The following VPS13D variants were observed in gnomAD, a reference collection of about 807,000 sequenced individuals.
The protein encoded by VPS13D is intermembrane lipid transfer protein VPS13D.
In VPS13D, 187 loss-of-function variants were observed where a neutral mutation model predicts 461.9. The observed-to-expected ratio is 0.40, with a 90% CI of 0.36 to 0.46. VPS13D has a LOEUF of 0.46. VPS13D is among the 20% of genes least tolerant of loss of function. VPS13D has a pLI of 0.60. For missense variants in VPS13D, 4,711 were observed against 5,364.9 expected (o/e 0.88, Z 3.81); for synonymous variants, 1,951 against 1,986.3 (o/e 0.98, Z 0.47).
At chr1:12,352,785 A>G (rs1457728127) in intron 46 of VPS13D, among the ~76,000 whole-genome samples, 1 of 151,746 alleles carries the variant, frequency 6.6e-6, no homozygotes, top group Non-Finnish European at 1.5e-5. Flanking sequence ...CCAACATGGT[A>G]AAACCCCGTC....
intron 13 of VPS13D, among the ~76,000 whole-genome samples, chr1:12,265,810 G>A (rs369242801): frequency 6.6e-6 from 1 of 152,188 alleles, no homozygotes; most frequent in Non-Finnish European, 1.5e-5. Flanking sequence ...AGCAAAGAAG[G>A]TAGTTTCTTG....
intron 68 of VPS13D, among the ~76,000 whole-genome samples, chr1:12,499,237 A>C (rs1318873773): frequency 6.6e-6 from 1 of 152,196 alleles, no homozygotes; most frequent in Non-Finnish European, 1.5e-5. Context: ...TGTTCCATTC[A>C]GGAAAGAATC....
At chr1:12,482,555 A>T (rs1297427779) in intron 67 of VPS13D, among the ~76,000 whole-genome samples, 1 of 152,196 alleles carries the variant, frequency 6.6e-6, no homozygotes, top group Non-Finnish European at 1.5e-5. Flanking sequence ...GTGTATGGAC[A>T]CTGCTCCAGA....
Position 12,293,593 on chromosome 1 carries a change from G to A in VPS13D, c.5922G>A (p.Val1974=). 1 of 1,614,138 alleles carries A rather than the reference G, an allele frequency of 6.2e-7. No individual in the cohort carries two copies. The highest frequency in any genetic ancestry group is 8.5e-7 in the Non-Finnish European group (1 of 1,180,002). Residue 1974 remains valine, a synonymous_variant, in exon 24 of 70, where the codon GTG becomes GTA. Transcript: ENST00000620676. The part of the protein sequence containing the change: ...DIRVSLRMAS[V]QYVHTQRFQA... ...GCGTGAGCCTCCGGATGGCCTCTGT[G>A]CAGTATGTGCATACTCAGCGTTTCC...
chr1:12,503,275 T>C (rs1418901994), intron 68 of VPS13D, among the ~76,000 whole-genome samples: 1 of 152,180 alleles, frequency 6.6e-6, no homozygotes, highest in East Asian at 1.9e-4. Context: ...AGAAACTTTC[T>C]GACACTGAGC....
chr1:12,465,902 C>T (rs1645476088), intron 67 of VPS13D, among the ~76,000 whole-genome samples: 3 of 151,904 alleles, frequency 2.0e-5, no homozygotes, highest in African/African-American at 4.8e-5. Flanking sequence ...TTTGGGAGGC[C>T]GAGGTGGGCG....
chr1:12,262,505 A>G (rs1569725486), intron 13 of VPS13D, among the ~76,000 whole-genome samples: 2 of 152,294 alleles, frequency 1.3e-5, no homozygotes, highest in East Asian at 3.9e-4. Flanking sequence ...CTGGGCAGCA[A>G]CAGTGAGCCA....
chr1:12,446,528 C>T (rs527743033), intron 65 of VPS13D, among the ~76,000 whole-genome samples: 2 of 152,138 alleles, frequency 1.3e-5, no homozygotes, highest in Admixed American at 1.3e-4. Context: ...GTTGGTTTTG[C>T]CTGCTTTCTC....
chr1:12,353,793 A>T (rs1569984257), intron 46 of VPS13D, among the ~76,000 whole-genome samples, 181 bp from the exon 47 acceptor site: 1 of 152,274 alleles, frequency 6.6e-6, no homozygotes, highest in East Asian at 1.9e-4. Context: ...CAAACTGAAC[A>T]TTTAAAATCT....
At chr1:12,394,972 T>G (rs1644476013) in intron 60 of VPS13D, among the ~76,000 whole-genome samples, 1 of 152,230 alleles carries the variant, frequency 6.6e-6, no homozygotes, top group Admixed American at 6.5e-5. Flanking sequence ...TCTCCAGATT[T>G]CTTTCTATAT....
chr1:12,391,698 C>G (rs1267802837), intron 60 of VPS13D, among the ~76,000 whole-genome samples: 1 of 152,102 alleles, frequency 6.6e-6, no homozygotes, highest in African/African-American at 2.4e-5. Flanking sequence ...CCCACTTCAG[C>G]CTTTGTTTTT....
intron 55 of VPS13D, among the ~76,000 whole-genome samples, chr1:12,377,820 CAAAAAAA>C (rs1193875764): frequency 1.3e-5 from 1 of 77,048 alleles, no homozygotes; most frequent in South Asian, 4.5e-4. Flanking sequence ...AACTCCATCC[CAAAAAAA>C]AAAAAAAAAA....
chr1:12,269,113 G>A (rs1014972161), intron 16 of VPS13D, among the ~76,000 whole-genome samples: 4 of 152,034 alleles, frequency 2.6e-5, no homozygotes, highest in Admixed American at 6.6e-5. Context: ...TCCATTTAGC[G>A]TGTATTTTTT....
chr1:12,453,592 A>T lies in VPS13D; in HGVS notation c.12334-2406A>T, dbSNP rs544436344. Among the ~76,000 whole-genome samples, 6 of 152,268 alleles carry T rather than the reference A, an allele frequency of 3.9e-5. No individual in the cohort carries two copies. The South Asian group carries it at 1.2e-3, about 32-fold the overall frequency. ...CTGAAGAACGCTGGCAGCCTACATA[A>T]TTCTAAACATAGCAGGCACTCTTAT... On this transcript the variant is annotated intron_variant, in intron 65 of 69. Transcript: ENST00000620676.
At chr1:12,447,203 G>T (rs1645203947) in intron 65 of VPS13D, among the ~76,000 whole-genome samples, 1 of 152,180 alleles carries the variant, frequency 6.6e-6, no homozygotes, top group Non-Finnish European at 1.5e-5. Context: ...TGATATCTCT[G>T]TATAATTTTC....
intron 13 of VPS13D, among the ~76,000 whole-genome samples, chr1:12,263,210 C>T (rs1376184995): frequency 6.6e-6 from 1 of 152,092 alleles, no homozygotes; most frequent in Non-Finnish European, 1.5e-5. Context: ...CGTTTTAGCA[C>T]TAGGGGCTTG....
intron 67 of VPS13D, chr1:12,478,885 G>A (rs1645673116): frequency 2.2e-6 from 1 of 455,660 alleles, no homozygotes. Flanking sequence ...TGGGTCAGAT[G>A]CCGGCCGTGG....
At chr1:12,260,239 A>T (rs1361180268) in intron 10 of VPS13D, among the ~76,000 whole-genome samples, 1 of 151,824 alleles carries the variant, frequency 6.6e-6, no homozygotes, top group African/African-American at 2.4e-5. Flanking sequence ...GTTAGCCAGG[A>T]TGGTCTCAAT....
chr1:12,425,956 A>G (rs1001755354), intron 65 of VPS13D, among the ~76,000 whole-genome samples: 1 of 152,260 alleles, frequency 6.6e-6, no homozygotes, highest in Admixed American at 6.5e-5. Context: ...AAACAACATT[A>G]CTTAAAAGTA....
Sources: allele counts gnomAD v4.1 joint callset (sites outside exome capture counted in the v4.1 genomes callset), GRCh38; gene constraint gnomAD v4.1.1; transcripts MANE v1.5; gene names NCBI Gene and HGNC (gene_info 2026-07-23, HGNC 2026-07-21).